IPMK: variants seen among roughly 807,000 people sequenced by gnomAD.
The protein encoded by IPMK is inositol 1,3,4,6-tetrakisphosphate 5-kinase.
Under a neutral mutation model 45.8 loss-of-function variants are expected in IPMK, and 17 were observed. The observed-to-expected ratio is 0.37, with a 90% CI of 0.25 to 0.56. IPMK has a LOEUF of 0.56. Among genes scored for constraint, IPMK ranks in the 20% least tolerant of loss-of-function variants. The pLI is 0.79. For synonymous variants in IPMK, 180 were observed against 184.3 expected (o/e 0.98, Z 0.19); for missense variants, 399 against 498.0 (o/e 0.80, Z 1.89).
At chr10:58,258,037 G>A (rs190591949) in intron 1 of IPMK, among the ~76,000 whole-genome samples, 8 of 152,138 alleles carry the variant, frequency 5.3e-5, no homozygotes, top group Admixed American at 2.0e-4. Flanking sequence ...TAGGCCAGGC[G>A]TGGTGGCTCA....
At position 58,193,222 on chromosome 10, in the gene IPMK, A is replaced by G. The variant is rs1382488610; in HGVS notation, c.*2854T>C. ...AATTTGATACATAGACTTGATAGAC[A>G]TAAGAACATCATCTTGGAAATCATA... is the stretch of plus-strand genomic sequence containing the variant. On this transcript the variant is annotated 3_prime_UTR_variant, in exon 6 of 6. Transcript: ENST00000373935. 1.3e-5 allele frequency: 2 copies of G among 151,974 alleles called. No individual in the cohort carries two copies. Among genetic ancestry groups the G allele is most frequent in the African/African-American group, 2.4e-5 (1 of 41,450 alleles). 9.4% of individuals were successfully genotyped at this position (151,974 alleles called of 1,614,324 possible).
At chr10:58,228,025 G>C (rs1250417320) in intron 2 of IPMK, among the ~76,000 whole-genome samples, 1 of 151,812 alleles carries the variant, frequency 6.6e-6, no homozygotes, top group Non-Finnish European at 1.5e-5. Flanking sequence ...AAGTGTGGCA[G>C]ACTCTTGGCA....
intron 4 of IPMK, among the ~76,000 whole-genome samples, chr10:58,206,831 G>A (rs1446471021): frequency 6.6e-6 from 1 of 151,898 alleles, no homozygotes; most frequent in Non-Finnish European, 1.5e-5. Context: ...TTATGCTTTT[G>A]CATCCTCAAA....
At chr10:58,208,856 G>C (rs2095895) in intron 4 of IPMK, among the ~76,000 whole-genome samples, 6 of 152,226 alleles carry the variant, frequency 3.9e-5, no homozygotes, top group Non-Finnish European at 7.3e-5. Flanking sequence ...CAGGTGAGTA[G>C]ATGTAATACC....
chr10:58,217,012 C>A (rs1838253589), intron 3 of IPMK, among the ~76,000 whole-genome samples: 1 of 151,994 alleles, frequency 6.6e-6, no homozygotes, highest in African/African-American at 2.4e-5. Flanking sequence ...CACTGCCTGG[C>A]TAATTTTTAT....
At chr10:58,230,866 T>C (rs1838505349) in intron 2 of IPMK, among the ~76,000 whole-genome samples, 1 of 152,022 alleles carries the variant, frequency 6.6e-6, no homozygotes, top group Non-Finnish European at 1.5e-5. Context: ...AGGTCGGTAA[T>C]AACAAACTTC....
At chr10:58,254,792 C>A (rs1328639138) in intron 1 of IPMK, among the ~76,000 whole-genome samples, 1 of 152,238 alleles carries the variant, frequency 6.6e-6, no homozygotes, top group Non-Finnish European at 1.5e-5. Flanking sequence ...AAACCCTGCA[C>A]TAGAACTAAT....
At chr10:58,211,873 C>T (rs1275532017) in intron 4 of IPMK, among the ~76,000 whole-genome samples, 1 of 129,444 alleles carries the variant, frequency 7.7e-6, no homozygotes, top group African/African-American at 3.2e-5. Context: ...GATCTTGCCA[C>T]TGCACTCCAG....
At chr10:58,230,157 G>A (rs996320865) in intron 2 of IPMK, among the ~76,000 whole-genome samples, 10 of 152,218 alleles carry the variant, frequency 6.6e-5, no homozygotes, top group Admixed American at 6.5e-4. Context: ...TGGGAAGCTC[G>A]AACTGGGTGG....
At chr10:58,215,653 AC>A (rs1838234166) in intron 4 of IPMK, among the ~76,000 whole-genome samples, 1 of 151,812 alleles carries the variant, frequency 6.6e-6, no homozygotes, top group Non-Finnish European at 1.5e-5. Context: ...CAAGCAATCC[AC>A]CCACCTCAGC....
rs1347398506 is a variant in IPMK, at chr10:58,261,768, G to A, written c.190+5654C>T. 3.9e-5 allele frequency among the ~76,000 whole-genome samples: 6 copies of A among 152,228 alleles called. No individual in the cohort carries two copies. The East Asian group carries it at 9.7e-4, about 25-fold the overall frequency. On this transcript the variant is annotated intron_variant, in intron 1 of 5. Transcript: ENST00000373935. ...GGCTAATTTTTGCATTTTTTGTAGAGACAGGGTTTTGCCATGTTGGCCAGG... is the reference window on the plus strand; with the variant it reads ...GGCTAATTTTTGCATTTTTTGTAGAAACAGGGTTTTGCCATGTTGGCCAGG...
intron 1 of IPMK, among the ~76,000 whole-genome samples, chr10:58,243,561 G>C (rs1471603621): frequency 1.3e-5 from 2 of 152,192 alleles, no homozygotes; most frequent in East Asian, 1.9e-4. Context: ...GTGAAAACGA[G>C]GTTTCCCCGT....
At chr10:58,197,466 C>A (rs1427554117) in intron 5 of IPMK, among the ~76,000 whole-genome samples, 2 of 150,244 alleles carry the variant, frequency 1.3e-5, no homozygotes. Flanking sequence ...TTGGCTAACA[C>A]GGTGAAACCT....
chr10:58,244,396 C>T (rs1296184104), intron 1 of IPMK, among the ~76,000 whole-genome samples: 13 of 147,088 alleles, frequency 8.8e-5, no homozygotes, highest in East Asian at 4.1e-4. Context: ...GGCCGCTCCT[C>T]GTCTGGGAGG....
At chr10:58,201,591 G>C (rs889242460) in intron 4 of IPMK, among the ~76,000 whole-genome samples, 6 of 151,982 alleles carry the variant, frequency 3.9e-5, no homozygotes, top group Non-Finnish European at 7.4e-5. Flanking sequence ...TTGAAATTAG[G>C]CCAATTAATA....
At chr10:58,217,688 C>CAGAAAAAAAAAA (rs1838266499) in intron 3 of IPMK, among the ~76,000 whole-genome samples, 1 of 49,266 alleles carries the variant, frequency 2.0e-5, no homozygotes, top group Admixed American at 2.6e-4. Flanking sequence ...AACTCCATCT[C>CAGAAAAAAAAAA]AAAAAAAAAA....
intron 2 of IPMK, among the ~76,000 whole-genome samples, chr10:58,230,011 A>G (rs2790230): frequency 0.34 from 51,505 of 152,118 alleles, 10,977 homozygotes; most frequent in African/African-American, 0.61. Flanking sequence ...ATTCTCTCCC[A>G]TGCATGGCTC....
chr10:58,217,688 C>CAAA (rs11393849), intron 3 of IPMK, among the ~76,000 whole-genome samples: 75 of 49,094 alleles, frequency 1.5e-3, no homozygotes, highest in Non-Finnish European at 1.8e-3. Context: ...AACTCCATCT[C>CAAA]AAAAAAAAAA....
chr10:58,211,193 T>TG (rs56730559), intron 4 of IPMK, among the ~76,000 whole-genome samples: 48,304 of 148,444 alleles, frequency 0.33, 9,612 homozygotes, highest in African/African-American at 0.58. Context: ...TTACCCGGTT[T>TG]TTTTTTTTTT....
Sources: gnomAD v4.1 joint callset for allele counts (sites outside exome capture counted in the v4.1 genomes callset) on GRCh38, gnomAD v4.1.1 for gene constraint, MANE v1.5 for transcripts, NCBI Gene and HGNC (gene_info 2026-07-23, HGNC 2026-07-21) for gene names.